Variants in SSBP3 observed in about 807,000 individuals in gnomAD.
The protein encoded by SSBP3 is single-stranded DNA-binding protein 3.
Under a neutral mutation model 69.6 loss-of-function variants are expected in SSBP3, and 5 were observed. That is an observed-to-expected ratio of 0.07 (90% CI 0.04 to 0.15). The LOEUF (loss-of-function observed/expected upper bound fraction) is 0.15. SSBP3 is among the 10% of genes least tolerant of loss of function. The pLI, the probability that SSBP3 is intolerant of heterozygous loss-of-function variation, is 1.00. For missense variants in SSBP3, 312 were observed against 534.0 expected (o/e 0.58, Z 4.10); for synonymous variants, 196 against 193.4 (o/e 1.01, Z -0.11).
chr1:54,315,346 G>A (rs974769570), intron 4 of SSBP3, among the ~76,000 whole-genome samples: 2 of 152,076 alleles, frequency 1.3e-5, no homozygotes, highest in Non-Finnish European at 2.9e-5. Context: ...TTACATAGCT[G>A]CAAGTCCCTG....
chr1:54,249,850 T>C (rs1292494681), intron 9 of SSBP3, among the ~76,000 whole-genome samples: 1 of 150,992 alleles, frequency 6.6e-6, no homozygotes, highest in Admixed American at 6.6e-5. Flanking sequence ...TCAGGCACAG[T>C]TCTTATTCCC....
intron 4 of SSBP3, among the ~76,000 whole-genome samples, chr1:54,343,129 G>C (rs1646636962): frequency 6.6e-6 from 1 of 152,192 alleles, no homozygotes; most frequent in Non-Finnish European, 1.5e-5. Context: ...GGGATACTTA[G>C]GACAGGTGGG....
chr1:54,339,796 C>A (rs529907042), intron 4 of SSBP3, among the ~76,000 whole-genome samples: 1 of 152,272 alleles, frequency 6.6e-6, no homozygotes. Flanking sequence ...GCCTGTAATT[C>A]CAGCTACTTG....
intron 3 of SSBP3, among the ~76,000 whole-genome samples, chr1:54,403,967 G>T (rs922216568): frequency 1.4e-5 from 2 of 144,652 alleles, no homozygotes; most frequent in Non-Finnish European, 3.0e-5. Context: ...CTGCGAGGTC[G>T]ACTCTGACCA....
chr1:54,372,829 T>C (rs1399705005), intron 4 of SSBP3, among the ~76,000 whole-genome samples: 1 of 152,184 alleles, frequency 6.6e-6, no homozygotes, highest in African/African-American at 2.4e-5. Flanking sequence ...GGCCAGGCAA[T>C]TAACCCAGGG....
At chr1:54,235,070 C>T (rs1644462868) in intron 14 of SSBP3, among the ~76,000 whole-genome samples, 1 of 152,182 alleles carries the variant, frequency 6.6e-6, no homozygotes, top group African/African-American at 2.4e-5. Context: ...ACTAAATATC[C>T]TCTCCACACA....
chr1:54,316,680 ATAAATAAAT>A (rs1557525541), intron 4 of SSBP3, among the ~76,000 whole-genome samples: 1 of 129,502 alleles, frequency 7.7e-6, no homozygotes, highest in African/African-American at 3.5e-5. Flanking sequence ...AAATAAATAA[ATAAATAAAT>A]AAATAAATAA....
intron 14 of SSBP3, among the ~76,000 whole-genome samples, chr1:54,230,021 G>A (rs572487367): frequency 3.4e-4 from 52 of 152,350 alleles, no homozygotes; most frequent in Non-Finnish European, 7.1e-4. Context: ...GGCAGGCAGA[G>A]CCCATCGCGG....
chr1:54,406,110 G>GCGCTCGCT (rs1198639072), exon 1 of SSBP3: 1 of 930,168 alleles, frequency 1.1e-6, no homozygotes. Flanking sequence ...CCCCTCCCCG[G>GCGCTCGCT]CGCTCGCTCG....
intron 4 of SSBP3, among the ~76,000 whole-genome samples, chr1:54,350,370 T>C (rs1178194002): frequency 6.6e-6 from 1 of 152,172 alleles, no homozygotes; most frequent in East Asian, 1.9e-4. Flanking sequence ...GGAACTCTAG[T>C]CTCCTTTCTC....
At chr1:54,358,970 C>T (rs1367983612) in intron 4 of SSBP3, among the ~76,000 whole-genome samples, 1 of 152,076 alleles carries the variant, frequency 6.6e-6, no homozygotes, top group Non-Finnish European at 1.5e-5. Flanking sequence ...GTCTTCCACC[C>T]GCCACACTTC....
At chr1:54,394,814 T>C (rs1404502871) in intron 4 of SSBP3, among the ~76,000 whole-genome samples, 1 of 148,542 alleles carries the variant, frequency 6.7e-6, no homozygotes, top group Non-Finnish European at 1.5e-5. Context: ...ACCATTCTCC[T>C]GCCTCAGCCT....
At chr1:54,371,333 C>T (rs1272451329) in intron 4 of SSBP3, among the ~76,000 whole-genome samples, 1 of 152,212 alleles carries the variant, frequency 6.6e-6, no homozygotes, top group East Asian at 1.9e-4. Flanking sequence ...CTCAAGCGCC[C>T]AAGTGGAAGA....
intron 4 of SSBP3, among the ~76,000 whole-genome samples, chr1:54,339,122 G>A (rs901876708): frequency 4.0e-5 from 6 of 151,844 alleles, no homozygotes; most frequent in Admixed American, 3.9e-4. Context: ...GCCCTCTCCA[G>A]AGACCCTTCA....
At chr1:54,241,551 AGT>A (rs750894999) in intron 11 of SSBP3, 42 bp from the exon 12 acceptor site, 1 of 1,608,952 alleles carries the variant, frequency 6.2e-7, no homozygotes, top group South Asian at 1.1e-5. Flanking sequence ...AGAGTCACTG[AGT>A]GCCCTCAGCT....
intron 14 of SSBP3, 138 bp from the exon 15 acceptor site, chr1:54,228,964 T>C (rs1272735332): frequency 3.5e-6 from 3 of 859,348 alleles, no homozygotes; most frequent in Admixed American, 4.7e-5. Context: ...CACTCGGACA[T>C]GTCCTGCCTG....
At chr1:54,314,142 A>G (rs1428101412) in intron 4 of SSBP3, among the ~76,000 whole-genome samples, 1 of 152,230 alleles carries the variant, frequency 6.6e-6, no homozygotes, top group Non-Finnish European at 1.5e-5. Context: ...GGGCTTAGCC[A>G]AACAGTTACT....
chr1:54,267,845 A>G (rs1022538380), intron 5 of SSBP3, among the ~76,000 whole-genome samples: 1 of 152,132 alleles, frequency 6.6e-6, no homozygotes, highest in Non-Finnish European at 1.5e-5. Context: ...GGCTCCTTCC[A>G]TCCTACCTGC....
intron 5 of SSBP3, among the ~76,000 whole-genome samples, chr1:54,274,126 C>G (rs1645243740): frequency 6.6e-6 from 1 of 152,180 alleles, no homozygotes; most frequent in Non-Finnish European, 1.5e-5. Context: ...ACAGACTCCC[C>G]CCACCTGCAG....
Sources: allele counts gnomAD v4.1 joint callset (sites outside exome capture counted in the v4.1 genomes callset), GRCh38; gene constraint gnomAD v4.1.1; transcripts MANE v1.5; gene names NCBI Gene and HGNC (gene_info 2026-07-23, HGNC 2026-07-21).